RBFOX1: variants seen among roughly 807,000 people sequenced by gnomAD.
RBFOX1 encodes RNA binding fox-1 homolog 1.
In RBFOX1, 8 loss-of-function variants were observed where a neutral mutation model predicts 57.7. The ratio of observed to expected loss-of-function variants is 0.14; its 90% CI spans 0.08 to 0.25. RBFOX1 has a LOEUF of 0.25. Ranked by LOEUF, RBFOX1 falls within the 10% of genes least tolerant of loss-of-function variation. The pLI, the probability that RBFOX1 is intolerant of heterozygous loss-of-function variation, is 1.00. For synonymous variants in RBFOX1, 326 were observed against 222.4 expected (o/e 1.47, Z -4.15); for missense variants, 611 against 548.5 (o/e 1.11, Z -1.14).
rs564718716 is a variant in RBFOX1, at chr16:6,366,461, C to A, written c.-64+49404C>A. On this transcript the variant is annotated intron_variant, in intron 2 of 15. Coordinates refer to ENST00000550418, the MANE Select transcript of RBFOX1 (RefSeq NM_018723.4). ...TGGAGAGATATGAGACAATGTTGAA[C>A]AACCCAGAATAAGCCAAAATATAAG... Among the ~76,000 whole-genome samples, 4 of 152,228 alleles carry A rather than the reference C, an allele frequency of 2.6e-5. No individual in the cohort carries two copies. The South Asian group carries it at 8.3e-4, about 32-fold the overall frequency.
At position 7,144,207 on chromosome 16, in the gene RBFOX1, T is replaced by G. The variant is rs1382221714; in HGVS notation, c.27+92109T>G. ...GACGGATAGACTCCATTTCTCCTCT[T>G]AAAGATTTCCTCATTTTGAGGGGTC... is the stretch of plus-strand genomic sequence containing the variant. On this transcript the variant is annotated intron_variant, in intron 4 of 15. Coordinates refer to ENST00000550418, the MANE Select transcript of RBFOX1 (RefSeq NM_018723.4). 2.6e-5 allele frequency among the ~76,000 whole-genome samples: 4 copies of G among 152,128 alleles called. No individual in the cohort carries two copies. In the East Asian group the frequency reaches 7.7e-4, roughly 29 times the overall value.
chr16:6,888,520 G>A (rs1158038638), intron 3 of RBFOX1, among the ~76,000 whole-genome samples: 4 of 152,056 alleles, frequency 2.6e-5, no homozygotes, highest in African/African-American at 9.7e-5. Flanking sequence ...TCTGTCTACC[G>A]AGAAATTTTA....
chr16:6,188,294 T>G (rs1452419921), intron 1 of RBFOX1, among the ~76,000 whole-genome samples: 2 of 151,994 alleles, frequency 1.3e-5, no homozygotes, highest in Non-Finnish European at 1.5e-5. Context: ...TGATTTATTT[T>G]CATGCTTCCT....
At chr16:7,182,279 G>A (rs1234297936) in intron 4 of RBFOX1, among the ~76,000 whole-genome samples, 1 of 151,986 alleles carries the variant, frequency 6.6e-6, no homozygotes, top group East Asian at 1.9e-4. Context: ...TCCTCTATAG[G>A]GATGTGAGGT....
intron 3 of RBFOX1, among the ~76,000 whole-genome samples, chr16:6,662,126 T>TGG (rs71406389): frequency 1.8e-4 from 12 of 67,754 alleles, no homozygotes; most frequent in African/African-American, 5.4e-4. Flanking sequence ...TGCCGAGGGC[T>TGG]GGGGGCGGGG....
At chr16:6,502,202 C>G (rs187823540) in intron 2 of RBFOX1, among the ~76,000 whole-genome samples, 6 of 152,234 alleles carry the variant, frequency 3.9e-5, no homozygotes, top group South Asian at 2.1e-4. Flanking sequence ...TTATATCTTT[C>G]TCATGGGGAG....
At chr16:5,303,820 A>G (rs1303526871) in intron 1 of RBFOX1, among the ~76,000 whole-genome samples, 6 of 151,908 alleles carry the variant, frequency 3.9e-5, no homozygotes, top group Non-Finnish European at 7.4e-5. Flanking sequence ...TGAATTGCCC[A>G]TAGAAGCTGA....
chr16:6,575,716 G>A (rs1055617114), intron 2 of RBFOX1, among the ~76,000 whole-genome samples: 2 of 151,906 alleles, frequency 1.3e-5, no homozygotes, highest in African/African-American at 4.8e-5. Context: ...AAATTAACTG[G>A]TGTGGTAGCA....
chr16:5,262,259 G>A (rs537206313), intron 1 of RBFOX1, among the ~76,000 whole-genome samples: 1 of 152,278 alleles, frequency 6.6e-6, no homozygotes, highest in African/African-American at 2.4e-5. Context: ...ACTGGGTTGT[G>A]GGGTGCCCAG....
At chr16:7,104,578 G>A (rs958188096) in intron 4 of RBFOX1, among the ~76,000 whole-genome samples, 1 of 152,052 alleles carries the variant, frequency 6.6e-6, no homozygotes, top group African/African-American at 2.4e-5. Context: ...GAAAATGTTG[G>A]GCTTCTATAG....
intron 1 of RBFOX1, among the ~76,000 whole-genome samples, chr16:6,262,407 T>C (rs909010366): frequency 2.0e-5 from 3 of 151,712 alleles, no homozygotes; most frequent in Non-Finnish European, 2.9e-5. Context: ...GGGTGGTGAG[T>C]GTGCCCTGCT....
At chr16:5,370,748 C>T (rs180798500) in intron 1 of RBFOX1, among the ~76,000 whole-genome samples, 2 of 152,258 alleles carry the variant, frequency 1.3e-5, no homozygotes, top group East Asian at 1.9e-4. Flanking sequence ...CCACCTTGGC[C>T]TCCCAGAGTG....
intron 1 of RBFOX1, among the ~76,000 whole-genome samples, chr16:5,349,060 C>A (rs111842074): frequency 6.6e-6 from 1 of 152,198 alleles, no homozygotes; most frequent in Admixed American, 6.5e-5. Context: ...TCCAATTTCT[C>A]CACATGCTGG....
At chr16:5,858,947 G>C (rs2057141533) in intron 3 of RBFOX1, among the ~76,000 whole-genome samples, 1 of 152,204 alleles carries the variant, frequency 6.6e-6, no homozygotes, top group Non-Finnish European at 1.5e-5. Flanking sequence ...GGGTCTGGTG[G>C]CTCACGCCTG....
chr16:5,562,289 G>A lies in RBFOX1; in HGVS notation c.259-36613G>A, dbSNP rs564833819. On this transcript the variant is annotated intron_variant, in intron 2 of 2. Transcript: ENST00000585867. ...TGTCAAGTAGGACCCAGAGCCTCCA[G>A]CAGTCCTACTTAGAAGTCAGACAGC... 2.6e-5 allele frequency among the ~76,000 whole-genome samples: 4 copies of A among 152,330 alleles called. 1 individual carries two copies. The East Asian group carries it at 7.7e-4, about 29-fold the overall frequency.
chr16:7,562,970 G>A (rs1259724490), intron 5 of RBFOX1, among the ~76,000 whole-genome samples: 1 of 152,190 alleles, frequency 6.6e-6, no homozygotes, highest in Non-Finnish European at 1.5e-5. Context: ...TTCTTTAGAT[G>A]CCATTAAGGG....
chr16:6,967,687 G>A (rs958841159), intron 3 of RBFOX1, among the ~76,000 whole-genome samples: 1 of 152,052 alleles, frequency 6.6e-6, no homozygotes, highest in African/African-American at 2.4e-5. Flanking sequence ...CCTGGTTCAA[G>A]ACATTGAACA....
At chr16:7,091,530 A>G (rs2060853983) in intron 4 of RBFOX1, among the ~76,000 whole-genome samples, 1 of 151,848 alleles carries the variant, frequency 6.6e-6, no homozygotes, top group Admixed American at 6.6e-5. Context: ...AGTCACTTAA[A>G]AAAAAAAAGA....
chr16:7,221,671 CTTAT>C (rs1178588737), intron 4 of RBFOX1, among the ~76,000 whole-genome samples: 2 of 152,144 alleles, frequency 1.3e-5, no homozygotes, highest in African/African-American at 4.8e-5. Flanking sequence ...CTGCCGTTGA[CTTAT>C]TTATTTGTAA....
Sources: allele counts gnomAD v4.1 joint callset (sites outside exome capture counted in the v4.1 genomes callset), GRCh38; gene constraint gnomAD v4.1.1; transcripts MANE v1.5; gene names NCBI Gene and HGNC (gene_info 2026-07-23, HGNC 2026-07-21).